ZNF385D: variants seen among roughly 807,000 people sequenced by gnomAD.
The protein encoded by ZNF385D is zinc finger protein 385D.
A neutral mutation model predicts 35.8 loss-of-function variants in ZNF385D; 15 were observed. That is an observed-to-expected ratio of 0.42 (90% CI 0.28 to 0.64). The LOEUF is 0.64. Among genes scored for constraint, ZNF385D ranks in the 30% least tolerant of loss-of-function variants. The pLI, the probability that ZNF385D is intolerant of heterozygous loss-of-function variation, is 0.23. For missense variants in ZNF385D, 474 were observed against 494.6 expected, an observed-to-expected ratio of 0.96 and a Z score of 0.39; for synonymous variants, 212 against 186.8, an observed-to-expected ratio of 1.13 and a Z score of -1.10.
chr3:21,722,849 G>A (rs1294700729), intron 1 of ZNF385D, among the ~76,000 whole-genome samples: 8 of 152,130 alleles, frequency 5.3e-5, no homozygotes, highest in Admixed American at 1.3e-4. Flanking sequence ...TTCATCCACC[G>A]GATTTTTCTG....
In ZNF385D at chr3:21,543,108, T is replaced by TTTGAGACCAGCCTGGCC. The variant is rs566157157; in HGVS notation, c.276+21449_276+21465dup. ...CGAGCGGATCACGTGAGGTCAGGAG[T>TTTGAGACCAGCCTGGCC]TTGAGACCAGCCTGGCCAACATGGT... On this transcript the variant is annotated intron_variant, in intron 3 of 7. Coordinates refer to ENST00000281523, the MANE Select transcript of ZNF385D (RefSeq NM_024697.3). 6.6e-5 allele frequency: 10 copies of TTTGAGACCAGCCTGGCC among 152,160 alleles called. No individual in the cohort carries two copies. In the South Asian group the frequency reaches 2.1e-3, roughly 32 times the overall value. The allele number at this position is 152,160 out of a possible 1,614,324, so 9.4% of individuals were successfully genotyped here. A position where few individuals can be genotyped will look rare whatever the true frequency, so the allele number is the denominator to read the frequency against.
chr3:22,330,839 C>T (rs1268618495), intron 2 of ZNF385D, among the ~76,000 whole-genome samples: 1 of 152,188 alleles, frequency 6.6e-6, no homozygotes, highest in Non-Finnish European at 1.5e-5. Flanking sequence ...ACTCTTTGTT[C>T]CTGTAACCCT....
chr3:22,012,277 G>A (rs995245826), intron 3 of ZNF385D, among the ~76,000 whole-genome samples: 11 of 152,172 alleles, frequency 7.2e-5, no homozygotes, highest in East Asian at 3.9e-4. Context: ...ATTGAAATAC[G>A]TAGCTCTTTT....
At chr3:21,844,307 A>G (rs1695864007) in intron 3 of ZNF385D, among the ~76,000 whole-genome samples, 1 of 151,726 alleles carries the variant, frequency 6.6e-6, no homozygotes, top group Non-Finnish European at 1.5e-5. Context: ...GTTTTTATTA[A>G]AGGAAATTTA....
intron 3 of ZNF385D, among the ~76,000 whole-genome samples, chr3:21,558,513 C>G (rs187649999): frequency 6.6e-6 from 1 of 151,734 alleles, no homozygotes; most frequent in African/African-American, 2.4e-5. Flanking sequence ...CACTGTGTTC[C>G]GAGAGAATGT....
At chr3:22,202,688 C>T (rs1696880365) in intron 2 of ZNF385D, among the ~76,000 whole-genome samples, 1 of 152,140 alleles carries the variant, frequency 6.6e-6, no homozygotes, top group Non-Finnish European at 1.5e-5. Context: ...AGTACTTCCC[C>T]TCTCTCCTGT....
chr3:22,200,547 A>C (rs1238375168), intron 2 of ZNF385D, among the ~76,000 whole-genome samples: 2 of 152,216 alleles, frequency 1.3e-5, no homozygotes, highest in East Asian at 3.9e-4. Flanking sequence ...GTGAAATTAA[A>C]ATTTCTAATG....
At chr3:22,006,744 T>C (rs1696233605) in intron 3 of ZNF385D, among the ~76,000 whole-genome samples, 1 of 151,866 alleles carries the variant, frequency 6.6e-6, no homozygotes, top group African/African-American at 2.4e-5. Context: ...AAAAATTGGA[T>C]AAAATATAAT....
At chr3:22,034,666 G>A (rs1458268560) in intron 3 of ZNF385D, among the ~76,000 whole-genome samples, 1 of 152,112 alleles carries the variant, frequency 6.6e-6, no homozygotes. Flanking sequence ...ATAATAAAAT[G>A]TTAATACAAT....
chr3:22,169,500 A>G (rs966964479), intron 2 of ZNF385D, among the ~76,000 whole-genome samples: 1 of 152,202 alleles, frequency 6.6e-6, no homozygotes, highest in Non-Finnish European at 1.5e-5. Flanking sequence ...ATTCAACTAA[A>G]TAAAGTTCTT....
chr3:21,926,055 T>C (rs1250791028), intron 3 of ZNF385D, among the ~76,000 whole-genome samples: 2 of 152,212 alleles, frequency 1.3e-5, no homozygotes, highest in East Asian at 3.8e-4. Context: ...ATAGCCACTC[T>C]GAAAACTTTT....
intron 3 of ZNF385D, among the ~76,000 whole-genome samples, chr3:21,824,602 A>T (rs532934622): frequency 1.4e-4 from 22 of 152,258 alleles, no homozygotes; most frequent in African/African-American, 5.3e-4. Context: ...TTGTACAGTT[A>T]CGTGGTTGTA....
intron 2 of ZNF385D, among the ~76,000 whole-genome samples, chr3:22,251,752 C>T (rs552442667): frequency 6.6e-6 from 1 of 152,192 alleles, no homozygotes; most frequent in African/African-American, 2.4e-5. Flanking sequence ...CCTACCTCTA[C>T]ACACAGGGAA....
At chr3:22,263,812 G>T (rs1700755847) in intron 2 of ZNF385D, among the ~76,000 whole-genome samples, 1 of 151,944 alleles carries the variant, frequency 6.6e-6, no homozygotes, top group Non-Finnish European at 1.5e-5. Context: ...GGTGCTCCTG[G>T]CATCTAGTGG....
intron 3 of ZNF385D, among the ~76,000 whole-genome samples, chr3:21,909,988 A>G (rs999411711): frequency 3.9e-5 from 6 of 152,042 alleles, no homozygotes; most frequent in African/African-American, 1.2e-4. Context: ...CCAGAAAAAC[A>G]GTATAAACTG....
At chr3:21,905,228 A>AAAC (rs1264527119) in intron 3 of ZNF385D, among the ~76,000 whole-genome samples, 1 of 146,776 alleles carries the variant, frequency 6.8e-6, no homozygotes, top group Non-Finnish European at 1.5e-5. Context: ...AAAAAAAAAA[A>AAAC]CCCTAAACCT....
intron 3 of ZNF385D, among the ~76,000 whole-genome samples, chr3:21,989,241 T>A (rs954822517): frequency 6.6e-6 from 1 of 152,200 alleles, no homozygotes; most frequent in Admixed American, 6.5e-5. Flanking sequence ...TAACCTTACA[T>A]ATCAAAGCTC....
At chr3:21,580,771 ATC>A (rs1225739351) in intron 2 of ZNF385D, among the ~76,000 whole-genome samples, 2 of 151,096 alleles carry the variant, frequency 1.3e-5, no homozygotes, top group Non-Finnish European at 3.0e-5. Context: ...ACATATATAT[ATC>A]TGAATATATA....
At chr3:22,233,599 C>G (rs191517068) in intron 2 of ZNF385D, among the ~76,000 whole-genome samples, 298 of 152,208 alleles carry the variant, frequency 2.0e-3, no homozygotes, top group African/African-American at 6.8e-3. Context: ...AAAGTGCCCA[C>G]TCTTCTTATC....
Sources: gnomAD v4.1 joint callset for allele counts (sites outside exome capture counted in the v4.1 genomes callset) on GRCh38, gnomAD v4.1.1 for gene constraint, MANE v1.5 for transcripts, NCBI Gene and HGNC (gene_info 2026-07-23, HGNC 2026-07-21) for gene names.